Variants in TYW1B observed in about 807,000 individuals in gnomAD.
The protein encoded by TYW1B is S-adenosyl-L-methionine-dependent tRNA 4-demethylwyosine synthase TYW1B.
TYW1B carries 73 observed loss-of-function variants against 86.9 expected under a neutral mutation model. The ratio of observed to expected loss-of-function variants is 0.84; its 90% CI spans 0.70 to 1.02. TYW1B has a LOEUF of 1.02. Ranked by LOEUF, TYW1B falls within the 50% of genes least tolerant of loss-of-function variation. The pLI, the probability that TYW1B is intolerant of heterozygous loss-of-function variation, is 0.00. For synonymous variants in TYW1B, 248 were observed against 292.8 expected, an observed-to-expected ratio of 0.85 and a Z score of 1.56; for missense variants, 637 against 827.4, an observed-to-expected ratio of 0.77 and a Z score of 2.82.
intron 4 of TYW1B, 63 bp downstream of exon 4, chr7:72,810,408 G>A: frequency 6.6e-7 from 1 of 1,525,304 alleles, no homozygotes; most frequent in South Asian, 1.2e-5. Flanking sequence ...GTGTGTACGT[G>A]TGTGTGCGTG....
chr7:72,704,388 C>T (rs567043903), intron 10 of TYW1B, among the ~76,000 whole-genome samples: 9 of 144,432 alleles, frequency 6.2e-5, no homozygotes, highest in Non-Finnish European at 1.0e-4. Context: ...GAGCCCAGAT[C>T]GCACCACTGC....
chr7:72,637,594 A>G (rs1366345395), intron 11 of TYW1B, among the ~76,000 whole-genome samples: 1 of 151,466 alleles, frequency 6.6e-6, no homozygotes, highest in Non-Finnish European at 1.5e-5. Flanking sequence ...CTTTTTTATA[A>G]TCCTATTTTA....
chr7:72,770,073 GAAA>G (rs58212815), intron 7 of TYW1B, among the ~76,000 whole-genome samples: 1 of 121,488 alleles, frequency 8.2e-6, no homozygotes. Context: ...ACTCTGTCTC[GAAA>G]AAAAAAAAAA....
intron 7 of TYW1B, among the ~76,000 whole-genome samples, chr7:72,771,234 T>C (rs1787863188): frequency 1.3e-5 from 2 of 152,270 alleles, no homozygotes; most frequent in East Asian, 3.9e-4. Context: ...AGTGCTAGGA[T>C]TACAGGCGTG....
rs554717714 is a variant in TYW1B at position 72,819,089 on chromosome 7, A to G, written c.136-3608T>C. ...CAAAGCTGAAGGAACTGGGAAAACC[A>G]TGAGGTTATCCCAGGCGGCAGGAAC... On this transcript the variant is annotated intron_variant, in intron 2 of 13. Coordinates refer to ENST00000620995, the MANE Select transcript of TYW1B (RefSeq NM_001145440.3). Among the ~76,000 whole-genome samples, 75 of 152,286 alleles carry G rather than the reference A, an allele frequency of 4.9e-4. No homozygotes were observed. The South Asian group carries it at 0.016, about 32-fold the overall frequency.
chr7:72,816,830 G>A (rs1484913879), intron 2 of TYW1B, among the ~76,000 whole-genome samples: 1 of 152,170 alleles, frequency 6.6e-6, no homozygotes, highest in Non-Finnish European at 1.5e-5. Flanking sequence ...AGAAGACACG[G>A]CCAGAAACGG....
chr7:72,642,571 G>T (rs1214937798), intron 11 of TYW1B, among the ~76,000 whole-genome samples: 1 of 152,170 alleles, frequency 6.6e-6, no homozygotes, highest in East Asian at 1.9e-4. Context: ...AGAAAATATA[G>T]TACATATCCA....
Position 72,575,326 on chromosome 7 carries a change from G to A in TYW1B, c.*172C>T, listed in dbSNP as rs1283904977. 1.8e-5 allele frequency: 26 copies of A among 1,435,112 alleles called. No individual in the cohort carries two copies. The highest frequency in any genetic ancestry group is 5.2e-4 in the Middle Eastern group (2 of 3,866). The allele number at this position is 1,435,112 out of a possible 1,614,324, so 88.9% of individuals were successfully genotyped here. The stretch of plus-strand genomic sequence containing the variant: ...AAAGAAACATCGGGGCTGTGGCCCA[G>A]GCCCTCTGAGTGTGGACGCTGTCCC... On this transcript the variant is annotated 3_prime_UTR_variant, in exon 14 of 14. Coordinates refer to ENST00000620995, the MANE Select transcript of TYW1B (RefSeq NM_001145440.3).
intron 11 of TYW1B, among the ~76,000 whole-genome samples, chr7:72,662,615 G>C (rs1284334150): frequency 6.6e-6 from 1 of 152,082 alleles, no homozygotes; most frequent in Non-Finnish European, 1.5e-5. Context: ...ATTTCTAACA[G>C]GCAAAACACA....
Position 72,724,600 on chromosome 7 carries a change from A to T in TYW1B, c.1192+4222T>A, listed in dbSNP as rs114212350. Among the ~76,000 whole-genome samples the T allele has an allele frequency of 2.8e-3, 428 of 152,326 alleles. 1 individual carries two copies. Among genetic ancestry groups the T allele is most frequent in the African/African-American group, 1.0e-2 (415 of 41,566 alleles). ...CCTGTTTTCTACTAGCTTCAAGAAAAACTGCTTTGCTAACCTGAAGAGCAT... is the reference window on the plus strand; with the variant it reads ...CCTGTTTTCTACTAGCTTCAAGAAATACTGCTTTGCTAACCTGAAGAGCAT... On this transcript the variant is annotated intron_variant, in intron 9 of 13. Coordinates refer to ENST00000620995, the MANE Select transcript of TYW1B (RefSeq NM_001145440.3).
chr7:72,779,246 G>T (rs1788007269), intron 6 of TYW1B, among the ~76,000 whole-genome samples: 1 of 152,200 alleles, frequency 6.6e-6, no homozygotes, highest in Non-Finnish European at 1.5e-5. Context: ...TCTCACAGAT[G>T]AGGTCTGACA....
At chr7:72,799,142 C>T (rs1585992323) in intron 6 of TYW1B, among the ~76,000 whole-genome samples, 2 of 144,306 alleles carry the variant, frequency 1.4e-5, no homozygotes, top group African/African-American at 2.6e-5. Flanking sequence ...GGCAACTGAC[C>T]GGGTCTGCCT....
At chr7:72,694,397 A>G (rs1354832007) in intron 11 of TYW1B, among the ~76,000 whole-genome samples, 1 of 152,162 alleles carries the variant, frequency 6.6e-6, no homozygotes, top group Non-Finnish European at 1.5e-5. Flanking sequence ...TTATTAATTA[A>G]CTTTGGGAGT....
chr7:72,784,550 TAC>T (rs1281381819), intron 6 of TYW1B, among the ~76,000 whole-genome samples: 1 of 152,138 alleles, frequency 6.6e-6, no homozygotes, highest in Non-Finnish European at 1.5e-5. Context: ...TAGGCTGGAG[TAC>T]AGAGGCGCAA....
At chr7:72,762,758 C>G (rs1787705811) in intron 7 of TYW1B, among the ~76,000 whole-genome samples, 1 of 152,130 alleles carries the variant, frequency 6.6e-6, no homozygotes, top group Non-Finnish European at 1.5e-5. Context: ...CTCCCTGGTT[C>G]AAGCAATTCT....
intron 12 of TYW1B, among the ~76,000 whole-genome samples, chr7:72,626,693 G>A (rs145818544): frequency 1.8e-4 from 27 of 152,084 alleles, no homozygotes; most frequent in African/African-American, 5.8e-4. Context: ...CTAGCAAAAC[G>A]TTTTATTGGT....
At chr7:72,749,483 C>T (rs1438424960) in intron 7 of TYW1B, among the ~76,000 whole-genome samples, 4 of 152,012 alleles carry the variant, frequency 2.6e-5, no homozygotes, top group East Asian at 3.9e-4. Flanking sequence ...TTAGTAGAGA[C>T]GGGGTTCACT....
intron 7 of TYW1B, among the ~76,000 whole-genome samples, chr7:72,765,577 T>C (rs1376513928): frequency 6.6e-6 from 1 of 152,166 alleles, no homozygotes; most frequent in East Asian, 1.9e-4. Context: ...ATGATTCTCG[T>C]GCCTCAGCCT....
At chr7:72,780,481 T>C (rs1788032638) in intron 6 of TYW1B, among the ~76,000 whole-genome samples, 1 of 152,122 alleles carries the variant, frequency 6.6e-6, no homozygotes, top group Non-Finnish European at 1.5e-5. Flanking sequence ...AAAGGCCAGA[T>C]AAATCCAAAA....
Sources: allele counts gnomAD v4.1 joint callset (sites outside exome capture counted in the v4.1 genomes callset), GRCh38; gene constraint gnomAD v4.1.1; transcripts MANE v1.5; gene names NCBI Gene and HGNC (gene_info 2026-07-23, HGNC 2026-07-21).